Variants in SLC12A7 observed in about 807,000 individuals in gnomAD.
The protein encoded by SLC12A7 is solute carrier family 12 member 7.
In SLC12A7, 100 loss-of-function variants were observed where a neutral mutation model predicts 120.6. That is an observed-to-expected ratio of 0.83 (90% CI 0.71 to 0.98). The LOEUF (loss-of-function observed/expected upper bound fraction) is 0.98, where lower values mean the gene tolerates loss of function less well. Among genes scored for constraint, SLC12A7 ranks in the 50% least tolerant of loss-of-function variants. The pLI is 0.00. For synonymous variants in SLC12A7, 760 were observed against 678.0 expected (o/e 1.12, Z -1.88); for missense variants, 1,373 against 1,548.1 (o/e 0.89, Z 1.90).
chr5:1,153,496 C>T, the SLC12A7 span, among the ~76,000 whole-genome samples: 1 of 152,172 alleles, frequency 6.6e-6, no homozygotes. Context: ...GCCAAGGCTC[C>T]CTAGAAAGGA....
At chr5:1,146,567 C>T in the SLC12A7 span, among the ~76,000 whole-genome samples, 82 of 152,344 alleles carry the variant, frequency 5.4e-4, no homozygotes, top group African/African-American at 1.6e-3. This position sits in a 1 kb window ranked among gnomAD's most constrained non-coding sequence, Gnocchi z 6.5. Context: ...CTTCAGGCCA[C>T]GACGGGAAGC....
At position 1,064,208 on chromosome 5, in the gene SLC12A7, C is replaced by A. The variant is rs1736666182; in HGVS notation, c.2482G>T (p.Ala828Ser). 6.2e-7 allele frequency: 1 copy of A among 1,612,182 alleles called. No individual in the cohort carries two copies. Among genetic ancestry groups the A allele is most frequent in the South Asian group, 1.1e-5 (1 of 91,064 alleles). ...TGCGGAAACGAGTCGACGTTCTTGGCCACCAGCAGAGCCTGGTGCGCGGCG... is the reference window on the plus strand; with the variant it reads ...TGCGGAAACGAGTCGACGTTCTTGGACACCAGCAGAGCCTGGTGCGCGGCG... ...TTAAHQALLV[A>S]KNVDSFPQNQ... is the part of the protein sequence containing the mutation. Residue 828 changes from alanine (A) to serine (S), a missense_variant, in exon 19 of 24, where the codon GCC becomes TCC. Transcript: ENST00000264930.
At chr5:1,100,377 C>T (rs947133287) in intron 1 of SLC12A7, among the ~76,000 whole-genome samples, 2 of 152,228 alleles carry the variant, frequency 1.3e-5, no homozygotes, top group South Asian at 2.1e-4. Flanking sequence ...CTGGGCCACC[C>T]GCAGCCGCCT....
At chr5:1,100,816 A>C in intron 1 of SLC12A7, among the ~76,000 whole-genome samples, 1 of 152,310 alleles carries the variant, frequency 6.6e-6, no homozygotes, top group Non-Finnish European at 1.5e-5. Flanking sequence ...AGTCCGAGAA[A>C]CCGTCACAGC....
chr5:1,052,969 G>C (rs906792989), intron 23 of SLC12A7, among the ~76,000 whole-genome samples: 1 of 152,226 alleles, frequency 6.6e-6, no homozygotes, highest in Non-Finnish European at 1.5e-5. Flanking sequence ...AAAGCCGAGA[G>C]CTGGGCTCCT....
intron 19 of SLC12A7, 43 bp from the exon 20 acceptor site, chr5:1,064,018 C>T (rs760966428): frequency 5.6e-6 from 9 of 1,604,466 alleles, no homozygotes; most frequent in Middle Eastern, 1.7e-4. Flanking sequence ...CAGAGGAGCC[C>T]GTCCCGGCCC....
chr5:1,077,370 A>C (rs1322591394), intron 12 of SLC12A7, among the ~76,000 whole-genome samples: 3 of 152,174 alleles, frequency 2.0e-5, no homozygotes, highest in East Asian at 1.9e-4. Context: ...GAGGAGCCAC[A>C]ATCGGCAGCT....
At chr5:1,119,254 C>T in the SLC12A7 span, among the ~76,000 whole-genome samples, 1 of 152,228 alleles carries the variant, frequency 6.6e-6, no homozygotes, top group Admixed American at 6.5e-5. Context: ...CAGCTGGGAA[C>T]CTGGACTGCA....
chr5:1,061,210 C>T lies in SLC12A7; in HGVS notation c.2740-759G>A, dbSNP rs188837988. Among the ~76,000 whole-genome samples the T allele has an allele frequency of 4.9e-4, 2 of 4,074 alleles. 1 individual carries two copies. The highest frequency in any genetic ancestry group is 5.3e-4 in the African/African-American group (2 of 3,752). The allele number at this position is 4,074 out of a possible 152,430, so 2.7% of individuals were successfully genotyped here. On this transcript the variant is annotated intron_variant, in intron 20 of 23. Transcript: ENST00000264930. ...CCGCACCCGCCGTGCGGGATCCCTGCGTCTCACCCACCGCACCCGCCGTAC... is the reference window on the plus strand; with the variant it reads ...CCGCACCCGCCGTGCGGGATCCCTGTGTCTCACCCACCGCACCCGCCGTAC...
Position 1,093,393 on chromosome 5 carries a change from C to T in SLC12A7, c.342+140G>A. The T allele has an allele frequency of 4.6e-6, 4 of 866,814 alleles. No homozygotes were observed. The South Asian group carries it at 6.7e-5, about 14-fold the overall frequency. The allele number at this position is 866,814 out of a possible 1,614,324, so 53.7% of individuals were successfully genotyped here. On this transcript the variant is annotated intron_variant, in intron 3 of 23. Coordinates refer to ENST00000264930, the MANE Select transcript of SLC12A7 (RefSeq NM_006598.3). ...CAGGGCAGGCACCATCGAGCCCTCC[C>T]AGGAAGAAAGGGCTGGACGTGGCCA...
At chr5:1,154,317 G>C in the SLC12A7 span, among the ~76,000 whole-genome samples, 1 of 147,510 alleles carries the variant, frequency 6.8e-6, no homozygotes, top group African/African-American at 2.5e-5. Context: ...CCACACCCCT[G>C]TACCAATCCA....
chr5:1,113,363 G>A (rs141115872), upstream of SLC12A7, among the ~76,000 whole-genome samples: 201 of 152,304 alleles, frequency 1.3e-3, no homozygotes, highest in Middle Eastern at 0.024. Flanking sequence ...TGGGATCACC[G>A]GGCTCTGTGG....
chr5:1,086,815 G>A, intron 6 of SLC12A7, 88 bp downstream of exon 6: 1 of 1,533,500 alleles, frequency 6.5e-7, no homozygotes, highest in Non-Finnish European at 8.9e-7. Context: ...TCAGTGTGCT[G>A]TGTGTGCCAC....
At position 1,057,585 on chromosome 5, in the gene SLC12A7, G is replaced by A. The variant is rs373266073; in HGVS notation, c.2912C>T (p.Pro971Leu). Residue 971 changes from proline (P) to leucine (L), a missense_variant, in exon 22 of 24, where the codon CCG becomes CTG. Coordinates refer to ENST00000264930, the MANE Select transcript of SLC12A7 (RefSeq NM_006598.3). ...CATCTGCACCTTGTCTGGCGTAGGC[G>A]GCGCTTGGGTCCTGGCTGCCGCCGC... ...HTAAAARTQA[P>L]PTPDKVQMTW... is the part of the protein sequence containing the mutation. 3.1e-5 allele frequency: 50 copies of A among 1,611,230 alleles called. No individual in the cohort carries two copies. The highest frequency in any genetic ancestry group is 3.1e-4 in the African/African-American group (23 of 74,938).
chr5:1,143,343 G>C, the SLC12A7 span, among the ~76,000 whole-genome samples: 1 of 152,216 alleles, frequency 6.6e-6, no homozygotes, highest in Non-Finnish European at 1.5e-5. Flanking sequence ...CCTGGGGGCT[G>C]GAAGTCCCAG....
At chr5:1,093,191 C>T (rs748706893) in intron 3 of SLC12A7, among the ~76,000 whole-genome samples, 7 of 152,192 alleles carry the variant, frequency 4.6e-5, no homozygotes, top group Non-Finnish European at 8.8e-5. Flanking sequence ...GAAGGGGCCA[C>T]GTCCCGGCCT....
rs185798132 is a variant in SLC12A7, at chr5:1,055,584, C to A, written c.3026+1887G>T. Reference sequence around the variant, plus strand: ...GCCACACATGAATACAAAGCCCACGCGTTGTCCATTCTGGCCCACCTTCTC... The same window carrying A: ...GCCACACATGAATACAAAGCCCACGAGTTGTCCATTCTGGCCCACCTTCTC... On this transcript the variant is annotated intron_variant, in intron 22 of 23. Transcript: ENST00000264930. Among the ~76,000 whole-genome samples, 263 of 152,298 alleles carry A rather than the reference C, an allele frequency of 1.7e-3. 1 individual carries two copies. In the Middle Eastern group the frequency reaches 0.024, roughly 14 times the overall value.
intron 21 of SLC12A7, among the ~76,000 whole-genome samples, chr5:1,058,426 G>C (rs936520887): frequency 1.3e-5 from 2 of 152,200 alleles, no homozygotes; most frequent in Non-Finnish European, 1.5e-5. Flanking sequence ...CTTGGAAGTG[G>C]TATTTATGCA....
chr5:1,054,813 A>G (rs954678043), intron 22 of SLC12A7, among the ~76,000 whole-genome samples: 7 of 152,378 alleles, frequency 4.6e-5, no homozygotes, highest in Non-Finnish European at 8.8e-5. Context: ...GAGACCTTCT[A>G]TCTTCTCTCC....
Sources: gnomAD v4.1 joint callset for allele counts (sites outside exome capture counted in the v4.1 genomes callset) on GRCh38, gnomAD v4.1.1 for gene constraint, Gnocchi (gnomAD v3.1) non-coding constraint, MANE v1.5 for transcripts, NCBI Gene and HGNC (gene_info 2026-07-23, HGNC 2026-07-21) for gene names.